The following TEK variants were observed in gnomAD, a reference collection of about 807,000 sequenced individuals.
TEK encodes the protein angiopoietin-1 receptor.
Under a neutral mutation model 131.8 loss-of-function variants are expected in TEK, and 43 were observed. The observed-to-expected ratio is 0.33, with a 90% CI of 0.26 to 0.42. TEK has a LOEUF of 0.42. TEK is among the 10% of genes least tolerant of loss of function. TEK has a pLI of 1.00. For missense variants in TEK, 1,162 were observed against 1,384.4 expected (o/e 0.84, Z 2.55); for synonymous variants, 580 against 491.6 (o/e 1.18, Z -2.38).
At chr9:27,193,156 C>T (rs1400564253) in intron 11 of TEK, among the ~76,000 whole-genome samples, 2 of 152,188 alleles carry the variant, frequency 1.3e-5, no homozygotes, top group Non-Finnish European at 2.9e-5. Flanking sequence ...TCTCCTGCTC[C>T]ACCCTCCACC....
At chr9:27,149,226 G>A (rs1823040020) in intron 1 of TEK, among the ~76,000 whole-genome samples, 1 of 152,190 alleles carries the variant, frequency 6.6e-6, no homozygotes, top group African/African-American at 2.4e-5. Context: ...TTTAGATGGT[G>A]TTTAGACTAA....
At chr9:27,218,128 A>ATTTG (rs1825888594) in intron 19 of TEK, among the ~76,000 whole-genome samples, 1 of 30,816 alleles carries the variant, frequency 3.2e-5, no homozygotes, top group Non-Finnish European at 5.7e-5. Flanking sequence ...AAGGCCAGAC[A>ATTTG]GTGGCGGGGG....
chr9:27,229,002 C>T lies in TEK; in HGVS notation c.3301-156C>T, dbSNP rs576301947. Among the ~76,000 whole-genome samples, 84 of 152,120 alleles carry T rather than the reference C, an allele frequency of 5.5e-4. 2 individuals are homozygous for T. The highest frequency in any genetic ancestry group is 9.3e-4 in the Non-Finnish European group (63 of 68,030). On this transcript the variant is annotated intron_variant, in intron 22 of 22. Transcript: ENST00000380036. ...GGATGCATTTTAGGAAGAAAGTCAT[C>T]AAATACAACAGAGGGACTGAGGACA...
At chr9:27,218,055 T>C (rs2756901) in intron 19 of TEK, among the ~76,000 whole-genome samples, 78,164 of 150,718 alleles carry the variant, frequency 0.52, 21,219 homozygotes, top group East Asian at 0.8. Context: ...CCGGCCTTCC[T>C]GTGGCTCCTC....
chr9:27,149,889 T>C (rs569262556), intron 1 of TEK, among the ~76,000 whole-genome samples: 43 of 152,254 alleles, frequency 2.8e-4, no homozygotes, highest in African/African-American at 9.4e-4. Context: ...ATACCGGGTA[T>C]CCTGGTGCTG....
intron 2 of TEK, among the ~76,000 whole-genome samples, chr9:27,159,045 G>A (rs1342741791): frequency 6.6e-6 from 1 of 152,196 alleles, no homozygotes; most frequent in Non-Finnish European, 1.5e-5. Flanking sequence ...TTTATAGCTT[G>A]TGAGTCTAAG....
In TEK at chr9:27,212,712, T is replaced by G; in HGVS notation, c.2692T>G (p.Leu898Val). The G allele has an allele frequency of 6.2e-7, 1 of 1,614,146 alleles. No homozygotes were observed. Among genetic ancestry groups the G allele is most frequent in the Non-Finnish European group, 8.5e-7 (1 of 1,180,012 alleles). ...GCTCTCTTCCTTCCCTCCAGGCTAC[T>G]TGTACCTGGCCATTGAGTACGCGCC... The part of the protein sequence containing the change: ...LLGACEHRGY[L>V]YLAIEYAPHG... The change falls in exon 17 of 23, where the codon TTG (leucine) becomes GTG (valine). Residue 898 changes from leucine (L) to valine (V), a missense_variant. Physicochemically the swap from Leu to Val is conservative, Grantham distance 32 (BLOSUM62 1). Transcript: ENST00000380036.
rs891381132 is a variant in TEK at position 27,228,312 on chromosome 9, A to G, written c.3300+7A>G. The G allele has an allele frequency of 1.2e-6, 2 of 1,606,940 alleles. No homozygotes were observed. The highest frequency in any genetic ancestry group is 2.7e-5 in the African/African-American group (2 of 74,754). On this transcript the variant is annotated splice_region_variant and intron_variant, in intron 22 of 22. Transcript: ENST00000380036. ...AATGTTAGAGGAGCGAAAGGTAAGT[A>G]TTAAAGTCAGGCAGGAGATCTTTAA...
At chr9:27,199,836 G>A (rs1587004323) in intron 12 of TEK, among the ~76,000 whole-genome samples, 1 of 152,178 alleles carries the variant, frequency 6.6e-6, no homozygotes, top group East Asian at 1.9e-4. Context: ...GTTTGTGGTG[G>A]CTTTTAACCC....
intron 7 of TEK, among the ~76,000 whole-genome samples, chr9:27,182,670 C>A (rs1342789751): frequency 6.6e-6 from 1 of 152,190 alleles, no homozygotes; most frequent in Non-Finnish European, 1.5e-5. Context: ...ACATGTCTCA[C>A]ATTCAATTAC....
Position 27,111,273 on chromosome 9 carries a change from A to G in TEK, c.52+1631A>G, listed in dbSNP as rs993762599. On this transcript the variant is annotated intron_variant, in intron 1 of 22. Coordinates refer to ENST00000380036, the MANE Select transcript of TEK (RefSeq NM_000459.5). ...TGTTCTTGTTAGGAAGGGTGACACTAGCAAGGTTAGTTTCTGAGGTAGGTC... is the reference window on the plus strand; with the variant it reads ...TGTTCTTGTTAGGAAGGGTGACACTGGCAAGGTTAGTTTCTGAGGTAGGTC... Among the ~76,000 whole-genome samples, 18 of 152,286 alleles carry G rather than the reference A, an allele frequency of 1.2e-4. No homozygotes were observed. In the South Asian group the frequency reaches 2.1e-3, roughly 18 times the overall value.
intron 1 of TEK, among the ~76,000 whole-genome samples, chr9:27,123,307 G>A (rs1225336978): frequency 1.3e-5 from 2 of 152,060 alleles, no homozygotes; most frequent in African/African-American, 4.8e-5. Context: ...GCTGAAAGGG[G>A]TTAGGTCCTT....
intron 20 of TEK, 45 bp downstream of exon 20, chr9:27,218,862 G>T: frequency 6.3e-7 from 1 of 1,587,424 alleles, no homozygotes; most frequent in South Asian, 1.1e-5. Flanking sequence ...TAGGCAAAGT[G>T]AGTGGAAGCC....
intron 6 of TEK, among the ~76,000 whole-genome samples, chr9:27,178,992 A>G (rs535693750): frequency 2.0e-5 from 3 of 152,272 alleles, no homozygotes; most frequent in Admixed American, 2.0e-4. Flanking sequence ...TGAATGTGTA[A>G]ATTTCAACAA....
rs1826478725 is a variant in TEK at position 27,229,519 on chromosome 9, CGTGAGTACA to C, written c.*288_*296del. On this transcript the variant is annotated 3_prime_UTR_variant, in exon 23 of 23. Coordinates refer to ENST00000380036, the MANE Select transcript of TEK (RefSeq NM_000459.5). ...TAAAAATGTGGACTTCATAGGAAGG[CGTGAGTACA>C]ATTAGTATAATGCATAACTCATTGT... The C allele has an allele frequency of 9.1e-6, 4 of 440,486 alleles. No individual in the cohort carries two copies. The highest frequency in any genetic ancestry group is 1.7e-5 in the Non-Finnish European group (4 of 239,350). The allele number at this position is 440,486 out of a possible 1,614,324, so 27.3% of individuals were successfully genotyped here.
intron 1 of TEK, among the ~76,000 whole-genome samples, chr9:27,142,667 G>A (rs1822771181): frequency 6.6e-6 from 1 of 152,210 alleles, no homozygotes; most frequent in Non-Finnish European, 1.5e-5. Context: ...TAAGGCAAAG[G>A]GGTTCCCAGT....
At chr9:27,118,417 T>A (rs1440134909) in intron 1 of TEK, among the ~76,000 whole-genome samples, 1 of 152,090 alleles carries the variant, frequency 6.6e-6, no homozygotes, top group Non-Finnish European at 1.5e-5. Context: ...AGCAGATTGC[T>A]TGAGCCAAGG....
rs573266268 is a variant in TEK at position 27,140,761 on chromosome 9, T to C, written c.53-17070T>C. On this transcript the variant is annotated intron_variant, in intron 1 of 22. Transcript: ENST00000380036. ...AACTATTATGTTTTCCTTACATTTT[T>C]TTGCTTTTAACAGTTTATCCTTTAT... 8.6e-4 allele frequency among the ~76,000 whole-genome samples: 131 copies of C among 152,300 alleles called. No homozygotes were observed. The Middle Eastern group carries it at 0.01, about 12-fold the overall frequency.
chr9:27,196,597 G>A (rs1019569323), intron 11 of TEK, among the ~76,000 whole-genome samples: 2 of 152,046 alleles, frequency 1.3e-5, no homozygotes, highest in African/African-American at 4.8e-5. Flanking sequence ...AAGCCAAACA[G>A]TAAAAACAGT....
Sources: gnomAD v4.1 joint callset for allele counts (sites outside exome capture counted in the v4.1 genomes callset) on GRCh38, gnomAD v4.1.1 for gene constraint, MANE v1.5 for transcripts, NCBI Gene and HGNC (gene_info 2026-07-23, HGNC 2026-07-21) for gene names.